Variants in STAU1 observed in about 807,000 individuals in gnomAD.
STAU1 encodes the protein staufen double-stranded RNA binding protein 1, also known as double-stranded RNA-binding protein Staufen homolog 1.
Under a neutral mutation model 62.9 loss-of-function variants are expected in STAU1, and 13 were observed. The ratio of observed to expected loss-of-function variants is 0.21; its 90% CI spans 0.13 to 0.33. The LOEUF is 0.33. Among genes scored for constraint, STAU1 ranks in the 10% least tolerant of loss-of-function variants. The probability of loss-of-function intolerance (pLI) is 1.00; values close to 1 mark genes in which losing one functional copy is unlikely to be tolerated. For synonymous variants in STAU1, 269 were observed against 265.1 expected (o/e 1.01, Z -0.14); for missense variants, 571 against 712.1 (o/e 0.80, Z 2.25).
chr20:49,214,483 A>G, the STAU1 span, among the ~76,000 whole-genome samples: 1 of 147,472 alleles, frequency 6.8e-6, no homozygotes, highest in Non-Finnish European at 1.5e-5. Flanking sequence ...GTGCCATTGC[A>G]TTACAGCCTG....
intron 7 of STAU1, 53 bp downstream of exon 7, chr20:49,124,322 C>T (rs987897799): frequency 8.0e-5 from 126 of 1,578,598 alleles, no homozygotes; most frequent in Non-Finnish European, 1.0e-4. Context: ...TTCTAAACCC[C>T]CCACCCATCT....
At chr20:49,185,473 A>C (rs982957534) in intron 1 of STAU1, among the ~76,000 whole-genome samples, 1 of 152,254 alleles carries the variant, frequency 6.6e-6, no homozygotes, top group Non-Finnish European at 1.5e-5. Context: ...CTGTACAGAA[A>C]TCATGTATAA....
intron 4 of STAU1, among the ~76,000 whole-genome samples, chr20:49,153,133 C>T (rs1022165760): frequency 6.6e-6 from 1 of 151,418 alleles, no homozygotes; most frequent in Admixed American, 6.6e-5. Context: ...GCCTGTAGTC[C>T]CAGCTACTTG....
chr20:49,135,635 C>T (rs1376287478), intron 6 of STAU1, among the ~76,000 whole-genome samples, 198 bp downstream of exon 6: 1 of 152,190 alleles, frequency 6.6e-6, no homozygotes, highest in Non-Finnish European at 1.5e-5. Context: ...CTCTACACAT[C>T]CATGAATGCC....
intron 1 of STAU1, among the ~76,000 whole-genome samples, chr20:49,184,619 CCT>C (rs1179293400): frequency 6.6e-6 from 1 of 152,120 alleles, no homozygotes; most frequent in African/African-American, 2.4e-5. Context: ...CTGGCTGAAA[CCT>C]AAAAGAGAGC....
In STAU1 at chr20:49,151,606, A is replaced by G; in HGVS notation, c.486T>C (p.Asn162=). 4 of 1,609,806 alleles carry G rather than the reference A, an allele frequency of 2.5e-6. No homozygotes were observed. The highest frequency in any genetic ancestry group is 3.4e-6 in the Non-Finnish European group (4 of 1,178,450). Residue 162 remains asparagine, a synonymous_variant, in exon 5 of 14, where the codon AAT becomes AAC. Coordinates refer to ENST00000371856, the MANE Select transcript of STAU1 (RefSeq NM_017453.4). ...CCTCCAGCCTCTCTGGCAGGGGCTC[A>G]TTCTGCAGGATCCTCAACGCTTTGG... is the stretch of plus-strand genomic sequence containing the variant. ...AAAKALRILQ[N]EPLPERLEVN... is the part of the protein sequence containing the mutation.
intron 1 of STAU1, among the ~76,000 whole-genome samples, chr20:49,185,012 A>C (rs1336764175): frequency 6.6e-6 from 1 of 152,226 alleles, no homozygotes; most frequent in African/African-American, 2.4e-5. Context: ...AGACACAAGA[A>C]AGAAAAACGT....
chr20:49,203,369 G>A, the STAU1 span, among the ~76,000 whole-genome samples: 2 of 151,924 alleles, frequency 1.3e-5, no homozygotes, highest in African/African-American at 4.8e-5. Context: ...AGGTTGCAGC[G>A]AACCAAGAAC....
At chr20:49,147,856 G>A (rs961546773) in intron 5 of STAU1, among the ~76,000 whole-genome samples, 3 of 152,122 alleles carry the variant, frequency 2.0e-5, no homozygotes, top group African/African-American at 7.2e-5. Flanking sequence ...AGTGAAAAAA[G>A]GTGGTTACTG....
At chr20:49,195,898 C>CAAAAAAAAAAAAAAAAAAAGAAAA in the STAU1 span, among the ~76,000 whole-genome samples, 1 of 33,880 alleles carries the variant, frequency 3.0e-5, no homozygotes, top group Non-Finnish European at 5.1e-5. Context: ...AACTTCCTCT[C>CAAAAAAAAAAAAAAAAAAAGAAAA]AAAAAAAAAA....
intron 6 of STAU1, among the ~76,000 whole-genome samples, chr20:49,125,568 C>A (rs1370207554): frequency 6.7e-6 from 1 of 149,574 alleles, no homozygotes; most frequent in Non-Finnish European, 1.5e-5. Flanking sequence ...AGCAATGGGC[C>A]AGGCGCGGTG....
the STAU1 span, among the ~76,000 whole-genome samples, chr20:49,200,889 A>C: frequency 6.7e-6 from 1 of 150,292 alleles, no homozygotes; most frequent in African/African-American, 2.4e-5. Context: ...ACCCACAAAA[A>C]GTAGCCAGGT....
chr20:49,215,267 A>G, the STAU1 span, among the ~76,000 whole-genome samples: 2 of 152,172 alleles, frequency 1.3e-5, no homozygotes, highest in Admixed American at 1.3e-4. Context: ...TCACCGTCTC[A>G]GAGAGGGCTC....
chr20:49,187,998 G>A (rs978955603), intron 1 of STAU1, 118 bp downstream of exon 1: 4 of 151,600 alleles, frequency 2.6e-5, no homozygotes, highest in African/African-American at 7.3e-5. Context: ...AGAGGCCCGG[G>A]AGAAGGCGGA....
chr20:49,152,509 T>G (rs1300187450), intron 4 of STAU1, among the ~76,000 whole-genome samples: 1 of 151,586 alleles, frequency 6.6e-6, no homozygotes, highest in Non-Finnish European at 1.5e-5. Flanking sequence ...ATGCCTGTAT[T>G]TTTAGTATTT....
chr20:49,158,651 A>G (rs1187675993), intron 3 of STAU1, among the ~76,000 whole-genome samples: 1 of 151,988 alleles, frequency 6.6e-6, no homozygotes, highest in Non-Finnish European at 1.5e-5. Context: ...CTCTACTAAA[A>G]ATGCAAAAAT....
At chr20:49,216,910 T>G in the STAU1 span, among the ~76,000 whole-genome samples, 1 of 152,286 alleles carries the variant, frequency 6.6e-6, no homozygotes, top group South Asian at 2.1e-4. Context: ...CCATTGCAAA[T>G]CATTCTGGGG....
the STAU1 span, among the ~76,000 whole-genome samples, chr20:49,194,425 G>A: frequency 8.1e-3 from 736 of 90,876 alleles, 3 homozygotes; most frequent in Non-Finnish European, 0.013. Flanking sequence ...GCGAAACTCC[G>A]TCTCAAAAAA....
At chr20:49,123,049 A>T in intron 8 of STAU1, 43 bp downstream of exon 8, 1 of 1,532,452 alleles carries the variant, frequency 6.5e-7, no homozygotes, top group Non-Finnish European at 8.8e-7. Flanking sequence ...CCAAGGCTGG[A>T]CGTGGTCAGA....
Sources: allele counts gnomAD v4.1 joint callset (sites outside exome capture counted in the v4.1 genomes callset), GRCh38; gene constraint gnomAD v4.1.1; transcripts MANE v1.5; gene names NCBI Gene and HGNC (gene_info 2026-07-23, HGNC 2026-07-21).